RAP1A: variants seen among roughly 807,000 people sequenced by gnomAD.
RAP1A encodes the protein ras-related protein Rap-1A.
In RAP1A, 6 loss-of-function variants were observed where a neutral mutation model predicts 26.4. The ratio of observed to expected loss-of-function variants is 0.23; its 90% CI spans 0.12 to 0.45. The LOEUF is 0.45. RAP1A is among the 20% of genes least tolerant of loss of function. RAP1A has a pLI of 0.99. For missense variants in RAP1A, 121 were observed against 217.2 expected (o/e 0.56, Z 2.78); for synonymous variants, 73 against 79.4 (o/e 0.92, Z 0.43).
Position 111,644,547 on chromosome 1 carries a change from A to C in RAP1A, c.-28+24613A>C, listed in dbSNP as rs765869744. Among the ~76,000 whole-genome samples, 113 of 152,128 alleles carry C rather than the reference A, an allele frequency of 7.4e-4. 1 individual carries two copies. The highest frequency in any genetic ancestry group is 4.1e-3 in the Admixed American group (62 of 15,274). On this transcript the variant is annotated intron_variant, in intron 1 of 7. Transcript: ENST00000369709. Reference sequence around the variant, plus strand: ...CACCTTGATTGACATTCTCACCACAACTGCATTCAGGAAGACAAGGATTGT... The same window carrying C: ...CACCTTGATTGACATTCTCACCACACCTGCATTCAGGAAGACAAGGATTGT...
At chr1:111,657,474 T>C (rs1484666743) in intron 1 of RAP1A, among the ~76,000 whole-genome samples, 1 of 152,180 alleles carries the variant, frequency 6.6e-6, no homozygotes, top group African/African-American at 2.4e-5. Context: ...TAGTCCAATT[T>C]ATCTATTTTT....
intron 1 of RAP1A, among the ~76,000 whole-genome samples, chr1:111,639,780 T>C (rs970476133): frequency 3.9e-5 from 6 of 151,996 alleles, no homozygotes; most frequent in Non-Finnish European, 7.4e-5. Context: ...TCCCTTGGAG[T>C]TGAATTGTCA....
intron 1 of RAP1A, among the ~76,000 whole-genome samples, chr1:111,662,920 T>TTGC (rs1322164956): frequency 2.6e-5 from 4 of 152,130 alleles, no homozygotes; most frequent in South Asian, 2.1e-4. Flanking sequence ...TTTGTTGTTG[T>TTGC]TGTTGTTGTG....
chr1:111,632,830 A>G (rs1048109674), intron 1 of RAP1A, among the ~76,000 whole-genome samples: 1 of 150,784 alleles, frequency 6.6e-6, no homozygotes, highest in African/African-American at 2.4e-5. Context: ...CTGAGGCAGG[A>G]GAATCCCTTG....
chr1:111,669,492 G>T (rs1660910178), intron 1 of RAP1A, among the ~76,000 whole-genome samples: 1 of 152,222 alleles, frequency 6.6e-6, no homozygotes, highest in Non-Finnish European at 1.5e-5. Context: ...TTTTGCCTGT[G>T]TAGAAGGGGG....
chr1:111,697,540 G>A, intron 4 of RAP1A, 43 bp downstream of exon 4: 1 of 1,606,270 alleles, frequency 6.2e-7, no homozygotes, highest in Non-Finnish European at 8.5e-7. Flanking sequence ...TAATTTGTGA[G>A]CAGGTTTTGT....
At chr1:111,672,577 C>T (rs1160946550) in intron 1 of RAP1A, among the ~76,000 whole-genome samples, 1 of 152,054 alleles carries the variant, frequency 6.6e-6, no homozygotes, top group African/African-American at 2.4e-5. Flanking sequence ...TCTGTGGTCT[C>T]TCCAAAGTGG....
At chr1:111,711,577 G>A (rs988965817) in intron 7 of RAP1A, among the ~76,000 whole-genome samples, 14 of 152,170 alleles carry the variant, frequency 9.2e-5, no homozygotes, top group African/African-American at 3.1e-4. Context: ...GATCTCTGTG[G>A]ATGTTTGATA....
intron 1 of RAP1A, among the ~76,000 whole-genome samples, chr1:111,572,732 C>A (rs1658074022): frequency 6.6e-6 from 1 of 152,180 alleles, no homozygotes; most frequent in Non-Finnish European, 1.5e-5. Context: ...TACTGGGACA[C>A]AGAACTTTCT....
intron 1 of RAP1A, among the ~76,000 whole-genome samples, chr1:111,583,564 G>C (rs1379861558): frequency 6.6e-6 from 1 of 151,768 alleles, no homozygotes; most frequent in Middle Eastern, 3.5e-3. Flanking sequence ...AAAATACGCA[G>C]TCATAGTTTC....
rs1557903142 is a variant in RAP1A, at chr1:111,716,096, CT to C, written c.*3700del. The C allele has an allele frequency of 6.6e-6, 1 of 152,060 alleles. No individual in the cohort carries two copies. Among genetic ancestry groups the C allele is most frequent in the African/African-American group, 2.4e-5 (1 of 41,398 alleles). 9.4% of individuals were successfully genotyped at this position (152,060 alleles called of 1,614,324 possible). The stretch of plus-strand genomic sequence containing the variant: ...GGAGGAAAATAATTTGTAAAATAAC[CT>C]TTTTAAGAATTTGGATTTTGTACTT... On this transcript the variant is annotated 3_prime_UTR_variant, in exon 8 of 8. Transcript: ENST00000369709.
At chr1:111,651,355 A>G (rs1262096985) in intron 1 of RAP1A, among the ~76,000 whole-genome samples, 1 of 152,132 alleles carries the variant, frequency 6.6e-6, no homozygotes, top group African/African-American at 2.4e-5. Context: ...CTGGTTCTTA[A>G]CAAAATTCTT....
At chr1:111,681,298 A>G (rs578248358) in intron 1 of RAP1A, among the ~76,000 whole-genome samples, 4 of 152,302 alleles carry the variant, frequency 2.6e-5, no homozygotes, top group Non-Finnish European at 4.4e-5. Flanking sequence ...CTTCTCCTCC[A>G]AAGGATCACA....
intron 1 of RAP1A, among the ~76,000 whole-genome samples, chr1:111,664,919 A>C (rs1364054269): frequency 6.6e-6 from 1 of 152,256 alleles, no homozygotes; most frequent in East Asian, 1.9e-4. Context: ...TGTTGTTGTT[A>C]TATAACAGCA....
chr1:111,695,337 C>A lies in RAP1A; in HGVS notation c.58-4C>A. On this transcript the variant is annotated splice_region_variant and splice_polypyrimidine_tract_variant and intron_variant, in intron 2 of 7. Transcript: ENST00000369709. ...TTTAATATTTCTCTTTTTTTTTCCCCCAGACAGTTCAGTTTGTTCAGGGAA... is the reference window on the plus strand; with the variant it reads ...TTTAATATTTCTCTTTTTTTTTCCCACAGACAGTTCAGTTTGTTCAGGGAA... The A allele has an allele frequency of 6.4e-7, 1 of 1,560,762 alleles. No homozygotes were observed. The highest frequency in any genetic ancestry group is 8.6e-7 in the Non-Finnish European group (1 of 1,159,420).
intron 1 of RAP1A, among the ~76,000 whole-genome samples, chr1:111,653,410 G>A (rs931025461): frequency 1.3e-5 from 2 of 152,090 alleles, no homozygotes; most frequent in South Asian, 2.1e-4. Flanking sequence ...GGCCAGGCGC[G>A]GTGGCTCACG....
intron 1 of RAP1A, among the ~76,000 whole-genome samples, chr1:111,634,710 T>C (rs757356586): frequency 6.6e-5 from 10 of 151,744 alleles, no homozygotes; most frequent in Admixed American, 1.3e-4. Flanking sequence ...AGTGGTGTGA[T>C]CTCGGCTCAC....
At chr1:111,711,710 A>G in intron 7 of RAP1A, among the ~76,000 whole-genome samples, 1 of 152,356 alleles carries the variant, frequency 6.6e-6, no homozygotes, top group African/African-American at 2.4e-5. Context: ...ATAGATTTAA[A>G]TAGAAATTAT....
intron 1 of RAP1A, among the ~76,000 whole-genome samples, chr1:111,613,420 C>T (rs1266107739): frequency 5.3e-5 from 8 of 152,068 alleles, no homozygotes; most frequent in African/African-American, 1.4e-4. Context: ...AGGATGGTCT[C>T]GATCTCCTGA....
Sources: allele counts gnomAD v4.1 joint callset (sites outside exome capture counted in the v4.1 genomes callset), GRCh38; gene constraint gnomAD v4.1.1; transcripts MANE v1.5; gene names NCBI Gene and HGNC (gene_info 2026-07-23, HGNC 2026-07-21).